UBASH3A: variants seen among roughly 807,000 people sequenced by gnomAD.
UBASH3A encodes ubiquitin associated and SH3 domain containing A.
UBASH3A carries 63 observed loss-of-function variants against 73.5 expected under a neutral mutation model. The observed-to-expected ratio is 0.86, with a 90% CI of 0.70 to 1.06. The LOEUF is 1.06. Ranked by LOEUF, UBASH3A falls within the 50% of genes least tolerant of loss-of-function variation. The pLI is 0.00. For synonymous variants in UBASH3A, 363 were observed against 351.1 expected (o/e 1.03, Z -0.38); for missense variants, 860 against 859.0 (o/e 1.00, Z -0.02).
intron 1 of UBASH3A, among the ~76,000 whole-genome samples, chr21:42,406,083 A>T (rs1301282401): frequency 6.6e-6 from 1 of 151,308 alleles, no homozygotes; most frequent in Non-Finnish European, 1.5e-5. Flanking sequence ...GCGGGTAGCC[A>T]GGGAAGGACA....
At chr21:42,422,354 A>G (rs1283935965) in intron 7 of UBASH3A, among the ~76,000 whole-genome samples, 1 of 152,214 alleles carries the variant, frequency 6.6e-6, no homozygotes, top group Admixed American at 6.5e-5. Context: ...TTTGCACACT[A>G]ACATCACCCC....
chr21:42,445,316 C>A (rs1409423653), intron 14 of UBASH3A, among the ~76,000 whole-genome samples: 1 of 152,228 alleles, frequency 6.6e-6, no homozygotes, highest in Non-Finnish European at 1.5e-5. Flanking sequence ...ACAGTCCTGA[C>A]CTTTTTATGA....
At chr21:42,418,966 G>T (rs151214853) in intron 7 of UBASH3A, among the ~76,000 whole-genome samples, 1 of 152,248 alleles carries the variant, frequency 6.6e-6, no homozygotes, top group South Asian at 2.1e-4. Context: ...GTCCTAGGTC[G>T]TATTATTAGT....
intron 2 of UBASH3A, among the ~76,000 whole-genome samples, chr21:42,408,637 C>T (rs933070752): frequency 6.6e-6 from 1 of 152,138 alleles, no homozygotes; most frequent in Non-Finnish European, 1.5e-5. Flanking sequence ...TCTTTGTGAA[C>T]TTGACAGATG....
intron 3 of UBASH3A, among the ~76,000 whole-genome samples, chr21:42,412,256 C>T (rs974403622): frequency 6.6e-6 from 1 of 152,160 alleles, no homozygotes; most frequent in African/African-American, 2.4e-5. Context: ...GTCGGGCCAG[C>T]ACCTGTCGGG....
At chr21:42,441,426 T>C (rs1458672724) in intron 11 of UBASH3A, among the ~76,000 whole-genome samples, 2 of 121,772 alleles carry the variant, frequency 1.6e-5, no homozygotes, top group Non-Finnish European at 3.4e-5. Flanking sequence ...GCCTGGTTTA[T>C]CAGGGAGGAC....
intron 8 of UBASH3A, 47 bp from the exon 9 acceptor site, chr21:42,432,056 G>A (rs1251467876): frequency 8.1e-7 from 1 of 1,234,320 alleles, no homozygotes; most frequent in Non-Finnish European, 1.2e-6. Context: ...AGTCCAGTGA[G>A]TTGGATGTTA....
intron 9 of UBASH3A, among the ~76,000 whole-genome samples, chr21:42,433,809 A>G (rs2053579548): frequency 6.6e-6 from 1 of 151,872 alleles, no homozygotes; most frequent in South Asian, 2.1e-4. Context: ...CCCCCCGCTG[A>G]CCCCTGCTGC....
At chr21:42,406,268 T>A in intron 1 of UBASH3A, 40 bp from the exon 2 acceptor site, 1 of 1,589,328 alleles carries the variant, frequency 6.3e-7, no homozygotes, top group Non-Finnish European at 8.6e-7. Flanking sequence ...TTCCCAAGAA[T>A]GGGCGACGTG....
At chr21:42,428,960 G>A (rs568645288) in intron 8 of UBASH3A, among the ~76,000 whole-genome samples, 1 of 152,306 alleles carries the variant, frequency 6.6e-6, no homozygotes, top group South Asian at 2.1e-4. Context: ...TTAGGAAAGA[G>A]AGTTTCTGCA....
At chr21:42,410,387 A>T in intron 3 of UBASH3A, 1 of 556,476 alleles carries the variant, frequency 1.8e-6, no homozygotes, top group Non-Finnish European at 3.2e-6. Context: ...CATTTCAAGG[A>T]ATTCCATCAG....
chr21:42,412,109 G>A (rs536126965), intron 3 of UBASH3A, among the ~76,000 whole-genome samples: 15 of 152,330 alleles, frequency 9.8e-5, no homozygotes, highest in Admixed American at 2.6e-4. Flanking sequence ...CCTGTGGTCC[G>A]ATGTGGCCAA....
intron 12 of UBASH3A, 99 bp from the exon 13 acceptor site, chr21:42,443,213 T>C: frequency 1.4e-6 from 2 of 1,449,210 alleles, no homozygotes; most frequent in African/African-American, 2.9e-5. Context: ...GGCAGAGCCA[T>C]CCTGGAAGAA....
chr21:42,424,625 T>A (rs115024279), intron 7 of UBASH3A, among the ~76,000 whole-genome samples: 357 of 152,228 alleles, frequency 2.3e-3, no homozygotes, highest in African/African-American at 8.3e-3. Flanking sequence ...ATGAGGACTT[T>A]CCCAACACTG....
At chr21:42,405,498 A>G (rs577870140) in intron 1 of UBASH3A, among the ~76,000 whole-genome samples, 1 of 152,258 alleles carries the variant, frequency 6.6e-6, no homozygotes, top group East Asian at 1.9e-4. Context: ...ATTTCCCCAC[A>G]CCAGAGCACC....
chr21:42,440,670 C>A (rs764815032), intron 11 of UBASH3A, among the ~76,000 whole-genome samples: 2 of 152,236 alleles, frequency 1.3e-5, no homozygotes, highest in African/African-American at 4.8e-5. Flanking sequence ...GTCCCCAGGT[C>A]GCCTGTGCCT....
intron 8 of UBASH3A, among the ~76,000 whole-genome samples, chr21:42,429,817 G>A (rs894452127): frequency 3.9e-5 from 6 of 152,092 alleles, no homozygotes; most frequent in Admixed American, 3.3e-4. Flanking sequence ...ATAAGGGAAA[G>A]CAATACTATT....
chr21:42,444,537 G>A lies in UBASH3A; in HGVS notation c.1742G>A (p.Gly581Asp). 2 of 1,612,162 alleles carry A rather than the reference G, an allele frequency of 1.2e-6. No homozygotes were observed. The highest frequency in any genetic ancestry group is 8.5e-7 in the Non-Finnish European group (1 of 1,179,456). Residue 581 changes from glycine (G) to aspartate (D), a missense_variant, in exon 14 of 15, where the codon GGT becomes GAT. Transcript: ENST00000319294. ...GAGGTGTTCTTGTTTTCCACAGCGG[G>A]TGTCATCCTAATTGTGAGTCACGGC... ...QIVNTCPQDT[G>D]VILIVSHGST...
chr21:42,446,395 G>A (rs884339), intron 14 of UBASH3A, among the ~76,000 whole-genome samples: 77,351 of 152,006 alleles, frequency 0.51, 20,612 homozygotes, highest in African/African-American at 0.68. Context: ...CACAGCCTCT[G>A]CAAGCGTGAG....
Sources: allele counts gnomAD v4.1 joint callset (sites outside exome capture counted in the v4.1 genomes callset), GRCh38; gene constraint gnomAD v4.1.1; transcripts MANE v1.5; gene names NCBI Gene and HGNC (gene_info 2026-07-23, HGNC 2026-07-21).